Variants in DLGAP2 observed in about 807,000 individuals in gnomAD.
DLGAP2 encodes the protein DLG associated protein 2, also known as disks large-associated protein 2.
In DLGAP2, 26 loss-of-function variants were observed where a neutral mutation model predicts 100.3. The observed-to-expected ratio is 0.26, with a 90% CI of 0.19 to 0.36. The LOEUF is 0.36. Among genes scored for constraint, DLGAP2 ranks in the 10% least tolerant of loss-of-function variants. DLGAP2 has a pLI of 1.00. For synonymous variants in DLGAP2, 886 were observed against 630.1 expected (o/e 1.41, Z -6.08); for missense variants, 1,858 against 1,453.2 (o/e 1.28, Z -4.53).
intron 1 of DLGAP2, among the ~76,000 whole-genome samples, chr8:842,031 A>G (rs572569110): frequency 6.6e-6 from 1 of 152,194 alleles, no homozygotes; most frequent in Non-Finnish European, 1.5e-5. Flanking sequence ...TACCTTTCTC[A>G]CATGCTCCCC....
At chr8:1,074,545 C>CG (rs1803543102) in intron 2 of DLGAP2, among the ~76,000 whole-genome samples, 1 of 152,198 alleles carries the variant, frequency 6.6e-6, no homozygotes, top group Admixed American at 6.5e-5. Context: ...GCCGAGGCTG[C>CG]CCTGGCTCAG....
At chr8:1,684,155 A>T (rs1460397328) in intron 12 of DLGAP2, among the ~76,000 whole-genome samples, 2 of 147,090 alleles carry the variant, frequency 1.4e-5, no homozygotes, top group Non-Finnish European at 3.0e-5. Context: ...CTAATTTTTA[A>T]TCAGAAAATG....
intron 2 of DLGAP2, among the ~76,000 whole-genome samples, chr8:1,077,940 C>T (rs528724537): frequency 6.6e-6 from 1 of 152,360 alleles, no homozygotes; most frequent in South Asian, 2.1e-4. Context: ...CTCCACACCA[C>T]TGTCTAGTGC....
chr8:1,020,211 C>T (rs1371648193), intron 2 of DLGAP2, among the ~76,000 whole-genome samples: 2 of 152,154 alleles, frequency 1.3e-5, no homozygotes, highest in Non-Finnish European at 2.9e-5. Context: ...GGAAGCCATC[C>T]TGCTTTAAAA....
At chr8:1,175,208 G>T (rs182279000) in intron 2 of DLGAP2, among the ~76,000 whole-genome samples, 1 of 151,788 alleles carries the variant, frequency 6.6e-6, no homozygotes, top group African/African-American at 2.4e-5. Context: ...CTAGTAACCC[G>T]CAGTGAGCAC....
intron 3 of DLGAP2, among the ~76,000 whole-genome samples, chr8:1,262,807 A>T (rs1799378015): frequency 6.6e-6 from 1 of 152,180 alleles, no homozygotes; most frequent in Admixed American, 6.5e-5. Flanking sequence ...TTTAAGCTTT[A>T]TTGACAGATG....
At chr8:1,317,921 C>A (rs80239106) in intron 3 of DLGAP2, among the ~76,000 whole-genome samples, 7 of 104,626 alleles carry the variant, frequency 6.7e-5, no homozygotes, top group Non-Finnish European at 9.4e-5. Context: ...ACACTCGAGA[C>A]ACTCGTCAGC....
intron 3 of DLGAP2, among the ~76,000 whole-genome samples, chr8:1,266,588 G>A (rs1000799588): frequency 6.6e-6 from 1 of 152,086 alleles, no homozygotes; most frequent in South Asian, 2.1e-4. Flanking sequence ...GCCCCTACTG[G>A]TCTGTCCAAT....
intron 4 of DLGAP2, among the ~76,000 whole-genome samples, chr8:1,510,407 T>A (rs1800119961): frequency 6.6e-6 from 1 of 152,168 alleles, no homozygotes. Context: ...TGTTGCATCC[T>A]CTGAAGAGCT....
chr8:1,318,176 C>T (rs10091286), intron 3 of DLGAP2, among the ~76,000 whole-genome samples: 16,933 of 151,476 alleles, frequency 0.11, 989 homozygotes, highest in East Asian at 0.17. Context: ...TGCAGCGTCT[C>T]TCCAACAGTC....
At chr8:1,043,257 G>GGCA in intron 2 of DLGAP2, among the ~76,000 whole-genome samples, 1 of 117,002 alleles carries the variant, frequency 8.5e-6, no homozygotes, top group East Asian at 2.4e-4. Flanking sequence ...TGGTGGGTGT[G>GGCA]GGTGGTGGAT....
intron 3 of DLGAP2, among the ~76,000 whole-genome samples, chr8:1,342,758 C>T (rs572022605): frequency 5.9e-5 from 9 of 152,210 alleles, no homozygotes; most frequent in South Asian, 2.1e-4. Context: ...TTGTGAAATG[C>T]GGTGTGTGTG....
intron 2 of DLGAP2, among the ~76,000 whole-genome samples, chr8:1,221,566 A>G (rs995673868): frequency 3.3e-5 from 5 of 151,802 alleles, no homozygotes; most frequent in Non-Finnish European, 5.9e-5. Context: ...CCTGATGACT[A>G]TGTGTCCTGG....
At chr8:1,123,762 A>G (rs1287103777) in intron 2 of DLGAP2, among the ~76,000 whole-genome samples, 1 of 151,624 alleles carries the variant, frequency 6.6e-6, no homozygotes, top group Non-Finnish European at 1.5e-5. Flanking sequence ...CACCTTCCTG[A>G]CTCCCTTTAG....
chr8:1,287,490 GTGTGTGGTTCT>G (rs1405714946), intron 3 of DLGAP2, among the ~76,000 whole-genome samples: 9,420 of 60,240 alleles, frequency 0.16, 930 homozygotes, highest in East Asian at 0.25. Flanking sequence ...GTGTGTGTGT[GTGTGTGGTTCT>G]GTTAGGAGGG....
chr8:1,258,432 G>A (rs916218997), intron 2 of DLGAP2, among the ~76,000 whole-genome samples: 4 of 151,962 alleles, frequency 2.6e-5, no homozygotes, highest in Admixed American at 6.6e-5. Flanking sequence ...GGGGCCTGTC[G>A]GTGGGTGGGG....
chr8:1,626,563 G>C (rs1797505921), intron 6 of DLGAP2, among the ~76,000 whole-genome samples, 177 bp from the exon 7 acceptor site: 2 of 147,200 alleles, frequency 1.4e-5, no homozygotes, highest in African/African-American at 5.1e-5. Context: ...TTGGACGGCT[G>C]TTCCCATCTC....
intron 2 of DLGAP2, among the ~76,000 whole-genome samples, chr8:980,003 C>G (rs1800282689): frequency 6.6e-6 from 1 of 152,164 alleles, no homozygotes; most frequent in African/African-American, 2.4e-5. Context: ...TCTGCAACCT[C>G]TAGGACTTGG....
intron 2 of DLGAP2, among the ~76,000 whole-genome samples, chr8:1,094,862 C>G (rs575290012): frequency 6.6e-6 from 1 of 152,354 alleles, no homozygotes; most frequent in East Asian, 1.9e-4. Flanking sequence ...AACGTCCTGA[C>G]CCCTTGGGCG....
Sources: allele counts gnomAD v4.1 joint callset (sites outside exome capture counted in the v4.1 genomes callset), GRCh38; gene constraint gnomAD v4.1.1; transcripts MANE v1.5; gene names NCBI Gene and HGNC (gene_info 2026-07-23, HGNC 2026-07-21).